Variants in TNPO1 observed in about 807,000 individuals in gnomAD.
The protein encoded by TNPO1 is transportin-1.
TNPO1 carries 8 observed loss-of-function variants against 119.5 expected under a neutral mutation model. That is an observed-to-expected ratio of 0.07 (90% CI 0.04 to 0.12). The LOEUF (loss-of-function observed/expected upper bound fraction) is 0.12. TNPO1 is among the 10% of genes least tolerant of loss of function. The pLI, the probability that TNPO1 is intolerant of heterozygous loss-of-function variation, is 1.00. For synonymous variants in TNPO1, 362 were observed against 363.0 expected, an observed-to-expected ratio of 1.00 and a Z score of 0.03; for missense variants, 576 against 1,089.8, an observed-to-expected ratio of 0.53 and a Z score of 6.64.
intron 7 of TNPO1, 127 bp downstream of exon 7, chr5:72,872,847 A>T: frequency 1.9e-6 from 1 of 527,622 alleles, no homozygotes; most frequent in Non-Finnish European, 3.2e-6. Flanking sequence ...TCAATATTTA[A>T]TTAAATTATT....
chr5:72,905,442 A>G lies in TNPO1; in HGVS notation c.*32A>G. The G allele has an allele frequency of 6.7e-7, 1 of 1,482,434 alleles. No individual in the cohort carries two copies. The highest frequency in any genetic ancestry group is 9.2e-7 in the Non-Finnish European group (1 of 1,082,526). The allele number at this position is 1,482,434 out of a possible 1,614,324, so 91.8% of individuals were successfully genotyped here. On this transcript the variant is annotated 3_prime_UTR_variant, in exon 24 of 25. Transcript: ENST00000337273. Reference sequence around the variant, plus strand: ...ACACTTAAGCTGCAGTCCCAAAATTAGGGGTAAGTTATAAGAAGTTTGGAA... The same window carrying G: ...ACACTTAAGCTGCAGTCCCAAAATTGGGGGTAAGTTATAAGAAGTTTGGAA...
intron 5 of TNPO1, among the ~76,000 whole-genome samples, chr5:72,864,068 T>A (rs1212371654): frequency 1.3e-5 from 2 of 152,206 alleles, no homozygotes; most frequent in African/African-American, 4.8e-5. Flanking sequence ...ATTTGAAATT[T>A]TTAATTGCCA....
chr5:72,819,765 G>T (rs888080308), intron 1 of TNPO1, among the ~76,000 whole-genome samples: 63 of 152,126 alleles, frequency 4.1e-4, no homozygotes, highest in African/African-American at 1.5e-3. Context: ...CACACTATTT[G>T]GATTCAGATT....
chr5:72,836,700 C>T (rs1744706089), intron 1 of TNPO1, among the ~76,000 whole-genome samples: 1 of 152,292 alleles, frequency 6.6e-6, no homozygotes, highest in Non-Finnish European at 1.5e-5. Flanking sequence ...CTTTTAGTTA[C>T]AAATTCCATC....
chr5:72,835,484 C>T (rs1744658740), intron 1 of TNPO1, among the ~76,000 whole-genome samples: 1 of 152,176 alleles, frequency 6.6e-6, no homozygotes, highest in Non-Finnish European at 1.5e-5. Flanking sequence ...TGCATCCCCA[C>T]ATGGACGAAG....
At chr5:72,897,878 A>G (rs1020917678) in intron 20 of TNPO1, among the ~76,000 whole-genome samples, 13 of 152,128 alleles carry the variant, frequency 8.5e-5, no homozygotes, top group African/African-American at 3.1e-4. Flanking sequence ...TATTCTACCA[A>G]AATACTAGAC....
chr5:72,861,770 G>A, intron 4 of TNPO1, 38 bp from the exon 5 acceptor site: 1 of 1,415,236 alleles, frequency 7.1e-7, no homozygotes, highest in South Asian at 1.2e-5. Context: ...CTGACATAAT[G>A]CTGTTGGATT....
chr5:72,824,484 C>T (rs1400979305), intron 1 of TNPO1, among the ~76,000 whole-genome samples: 5 of 152,288 alleles, frequency 3.3e-5, no homozygotes, highest in Non-Finnish European at 5.9e-5. Context: ...TTGTTAAATG[C>T]CCTGTGTTAT....
intron 1 of TNPO1, among the ~76,000 whole-genome samples, chr5:72,837,803 A>G (rs1238317889): frequency 6.6e-6 from 1 of 152,204 alleles, no homozygotes; most frequent in Non-Finnish European, 1.5e-5. Flanking sequence ...GCCATTTCAC[A>G]GATGACTAAA....
chr5:72,835,954 C>A (rs1744677114), intron 1 of TNPO1, among the ~76,000 whole-genome samples: 1 of 152,234 alleles, frequency 6.6e-6, no homozygotes, highest in Admixed American at 6.5e-5. Flanking sequence ...CCAGAATAAT[C>A]TTCTTTGACT....
intron 1 of TNPO1, among the ~76,000 whole-genome samples, chr5:72,826,654 CT>C (rs1182570787): frequency 6.6e-6 from 1 of 152,002 alleles, no homozygotes; most frequent in African/African-American, 2.4e-5. Flanking sequence ...ACCAATAGAC[CT>C]ATATATCACA....
chr5:72,857,558 A>G (rs1319661328), intron 4 of TNPO1, among the ~76,000 whole-genome samples: 2 of 152,206 alleles, frequency 1.3e-5, no homozygotes, highest in Non-Finnish European at 2.9e-5. Flanking sequence ...CACTGTTAAA[A>G]AGAATGGTGA....
At chr5:72,839,654 T>C (rs543480184) in intron 1 of TNPO1, among the ~76,000 whole-genome samples, 83 of 152,246 alleles carry the variant, frequency 5.5e-4, no homozygotes, top group Non-Finnish European at 1.0e-3. Flanking sequence ...CGGTGCAGTC[T>C]GTATTCTGTT....
intron 1 of TNPO1, among the ~76,000 whole-genome samples, chr5:72,826,485 C>T (rs1561291853): frequency 1.3e-5 from 2 of 152,150 alleles, no homozygotes; most frequent in Admixed American, 1.3e-4. Context: ...CCTCCTCCTC[C>T]TGCAAGAATA....
intron 1 of TNPO1, chr5:72,848,137 C>A: frequency 2.5e-6 from 3 of 1,202,428 alleles, no homozygotes; most frequent in Non-Finnish European, 3.1e-6. Context: ...GTCTGGTCGG[C>A]TCCTTGCGCT....
At chr5:72,863,397 A>C (rs751107832) in intron 5 of TNPO1, among the ~76,000 whole-genome samples, 4 of 152,144 alleles carry the variant, frequency 2.6e-5, no homozygotes, top group Admixed American at 2.6e-4. Context: ...GCATGAGTTC[A>C]AGACCAGCCT....
intron 6 of TNPO1, among the ~76,000 whole-genome samples, chr5:72,868,458 A>AAAAAAAACAC (rs1554052270): frequency 2.6e-5 from 3 of 113,318 alleles, no homozygotes; most frequent in Non-Finnish European, 4.3e-5. Context: ...AAAAAAAAAA[A>AAAAAAAACAC]ACACAAAATA....
intron 8 of TNPO1, 151 bp downstream of exon 8, chr5:72,875,888 C>T (rs266433): frequency 0.14 from 133,289 of 986,256 alleles, 10,684 homozygotes; most frequent in East Asian, 0.31. Context: ...TTTTGTATTT[C>T]TGGGTATAGT....
At chr5:72,890,696 G>A (rs567337765) in intron 14 of TNPO1, among the ~76,000 whole-genome samples, 19 of 152,244 alleles carry the variant, frequency 1.2e-4, no homozygotes, top group African/African-American at 3.9e-4. Flanking sequence ...CTGTTTACAT[G>A]ATCACTATGT....
Sources: allele counts gnomAD v4.1 joint callset (sites outside exome capture counted in the v4.1 genomes callset), GRCh38; gene constraint gnomAD v4.1.1; transcripts MANE v1.5; gene names NCBI Gene and HGNC (gene_info 2026-07-23, HGNC 2026-07-21).